The following ESRRG variants were observed in gnomAD, a reference collection of about 807,000 sequenced individuals.
The protein encoded by ESRRG is estrogen related receptor gamma.
ESRRG carries 13 observed loss-of-function variants against 44.0 expected under a neutral mutation model. That is an observed-to-expected ratio of 0.30 (90% CI 0.19 to 0.47). The LOEUF (loss-of-function observed/expected upper bound fraction) is 0.47. ESRRG is among the 20% of genes least tolerant of loss of function. The probability of loss-of-function intolerance (pLI) is 1.00; values close to 1 mark genes in which losing one functional copy is unlikely to be tolerated. For missense variants in ESRRG, 395 were observed against 580.6 expected (o/e 0.68, Z 3.29); for synonymous variants, 215 against 214.6 (o/e 1.00, Z -0.02).
rs112115560 is a variant in ESRRG, at chr1:216,911,715, G to A, written c.-14+27867C>T. Reference sequence around the variant, plus strand: ...AGGGAGGGGTATATGGAAACTCTCTGTACTTTCCTCTCAATTTTGCTGTCA... The same window carrying A: ...AGGGAGGGGTATATGGAAACTCTCTATACTTTCCTCTCAATTTTGCTGTCA... On this transcript the variant is annotated intron_variant, in intron 2 of 7. Transcript: ENST00000359162. Among the ~76,000 whole-genome samples the A allele has an allele frequency of 2.6e-5, 4 of 152,146 alleles. 1 individual carries two copies. Among genetic ancestry groups the A allele is most frequent in the African/African-American group, 9.6e-5 (4 of 41,526 alleles).
rs2084404415 is a variant in ESRRG at position 217,044,135 on chromosome 1, T to C, written c.-106+45372A>G. On this transcript the variant is annotated intron_variant, in intron 1 of 7. Coordinates refer to the ESRRG transcript ENST00000359162. ...GTTTACTGAAGTAGGTAGCAGACTT[T>C]GAAATGCAGAAGCTCAAGGCACGTC... 1.3e-5 allele frequency among the ~76,000 whole-genome samples: 2 copies of C among 152,174 alleles called. 1 individual carries two copies. The highest frequency in any genetic ancestry group is 4.1e-4 in the South Asian group (2 of 4,828).
intron 1 of ESRRG, among the ~76,000 whole-genome samples, chr1:216,683,165 A>G (rs974902051): frequency 1.3e-5 from 2 of 152,206 alleles, no homozygotes; most frequent in South Asian, 4.1e-4. Flanking sequence ...TTAGTTGGGA[A>G]AAGAAGAGAA....
chr1:216,863,788 C>G (rs948323815), intron 2 of ESRRG: 3 of 152,170 alleles, frequency 2.0e-5, no homozygotes, highest in African/African-American at 4.8e-5. Flanking sequence ...GCCTTTTAAG[C>G]CTGGGATAGA....
chr1:217,042,591 C>T (rs1053715396), intron 1 of ESRRG, among the ~76,000 whole-genome samples: 6 of 152,066 alleles, frequency 3.9e-5, no homozygotes, highest in Non-Finnish European at 8.8e-5. Flanking sequence ...GCTCCCCACA[C>T]TCCCCCCTGC....
rs57697657 is a variant in ESRRG, at chr1:216,805,734, G to GA, written c.-13-128244dup. Among the ~76,000 whole-genome samples, 571 of 136,040 alleles carry GA rather than the reference G, an allele frequency of 4.2e-3. 2 individuals carry two copies. The highest frequency in any genetic ancestry group is 0.016 in the South Asian group (69 of 4,206). 89.2% of individuals were successfully genotyped at this position (136,040 alleles called of 152,430 possible). A position where few individuals can be genotyped will look rare whatever the true frequency, so the allele number is the denominator to read the frequency against. On this transcript the variant is annotated intron_variant, in intron 2 of 7. Coordinates refer to the ESRRG transcript ENST00000359162. ...CTGTTAGAACACTGTTTTGTAATTG[G>GA]AAAAAAAAAAAAAAGGATTTTTTTT...
At chr1:217,029,367 A>G (rs911028067) in intron 1 of ESRRG, among the ~76,000 whole-genome samples, 5 of 152,188 alleles carry the variant, frequency 3.3e-5, no homozygotes, top group African/African-American at 9.7e-5. Flanking sequence ...AAAAACTTGA[A>G]TGACTCACCA....
chr1:216,785,881 C>T (rs921752113), intron 2 of ESRRG, among the ~76,000 whole-genome samples: 6 of 152,044 alleles, frequency 3.9e-5, no homozygotes, highest in African/African-American at 9.7e-5. Context: ...TGTTTGTCAG[C>T]CGTAGTTAAG....
At chr1:217,135,202 A>G (rs2093031989) in intron 1 of ESRRG, among the ~76,000 whole-genome samples, 1 of 147,668 alleles carries the variant, frequency 6.8e-6, no homozygotes, top group Non-Finnish European at 1.5e-5. Context: ...CGCGCGGGGC[A>G]GCCCTCTAGG....
chr1:216,701,346 C>G (rs1221053759), intron 1 of ESRRG: 2 of 152,052 alleles, frequency 1.3e-5, no homozygotes, highest in Non-Finnish European at 2.9e-5. Flanking sequence ...ACTGTATGAC[C>G]CTGAGATTAA....
intron 1 of ESRRG, among the ~76,000 whole-genome samples, chr1:216,718,057 G>A (rs1229238047): frequency 6.6e-6 from 1 of 151,694 alleles, no homozygotes; most frequent in Non-Finnish European, 1.5e-5. Context: ...ACAATAATGT[G>A]AAAATTCTAA....
chr1:217,001,831 G>C (rs973894644), intron 1 of ESRRG, among the ~76,000 whole-genome samples: 1 of 152,146 alleles, frequency 6.6e-6, no homozygotes, highest in African/African-American at 2.4e-5. Flanking sequence ...TTTGAACAGA[G>C]AGAATGACCA....
chr1:216,558,790 A>G (rs2058102316), intron 5 of ESRRG, among the ~76,000 whole-genome samples: 1 of 152,160 alleles, frequency 6.6e-6, no homozygotes, highest in African/African-American at 2.4e-5. Context: ...ACAGGTATAC[A>G]GGTATATAAC....
At chr1:216,704,200 C>T (rs905780115) in intron 1 of ESRRG, among the ~76,000 whole-genome samples, 1 of 152,104 alleles carries the variant, frequency 6.6e-6, no homozygotes, top group Non-Finnish European at 1.5e-5. Context: ...AAGTGGGATA[C>T]TGTTAACTAA....
intron 2 of ESRRG, among the ~76,000 whole-genome samples, chr1:216,775,549 A>ATTTTTTT (rs2093573280): frequency 1.2e-5 from 1 of 82,890 alleles, no homozygotes; most frequent in Non-Finnish European, 2.5e-5. Context: ...AAAATGTCAC[A>ATTTTTTT]TCTTTTTTTT....
chr1:216,955,053 T>C (rs901613064), intron 1 of ESRRG, among the ~76,000 whole-genome samples: 2 of 152,168 alleles, frequency 1.3e-5, no homozygotes, highest in African/African-American at 4.8e-5. Context: ...ATTGGGAACA[T>C]TCAAAATTTC....
At chr1:216,569,002 T>A (rs1477007963) in intron 3 of ESRRG, among the ~76,000 whole-genome samples, 1 of 150,956 alleles carries the variant, frequency 6.6e-6, no homozygotes, top group Non-Finnish European at 1.5e-5. Flanking sequence ...TGCAGTGAAC[T>A]GAGACTATGC....
intron 1 of ESRRG, among the ~76,000 whole-genome samples, chr1:217,051,392 A>G (rs1360768417): frequency 6.6e-6 from 1 of 152,172 alleles, no homozygotes; most frequent in African/African-American, 2.4e-5. Flanking sequence ...GTTCAGGTTC[A>G]CACGCACCTT....
At chr1:216,833,227 A>G (rs1416782212) in intron 2 of ESRRG, among the ~76,000 whole-genome samples, 1 of 152,310 alleles carries the variant, frequency 6.6e-6, no homozygotes, top group African/African-American at 2.4e-5. Flanking sequence ...TCTAAAAAAA[A>G]ACACCCAATG....
chr1:216,883,984 T>C (rs1265936637), intron 2 of ESRRG, among the ~76,000 whole-genome samples: 2 of 152,254 alleles, frequency 1.3e-5, no homozygotes, highest in Admixed American at 6.5e-5. Flanking sequence ...AAATCCCCAC[T>C]GCAGTCCTTC....
Sources: allele counts gnomAD v4.1 joint callset (sites outside exome capture counted in the v4.1 genomes callset), GRCh38; gene constraint gnomAD v4.1.1; transcripts MANE v1.5; gene names NCBI Gene and HGNC (gene_info 2026-07-23, HGNC 2026-07-21).